DPP10: variants seen among roughly 807,000 people sequenced by gnomAD.
DPP10 encodes inactive dipeptidyl peptidase 10.
A neutral mutation model predicts 120.9 loss-of-function variants in DPP10; 33 were observed. That is an observed-to-expected ratio of 0.27 (90% confidence interval 0.21 to 0.37). The LOEUF is 0.37. Among genes scored for constraint, DPP10 ranks in the 10% least tolerant of loss-of-function variants. The pLI is 1.00. For synonymous variants in DPP10, 337 were observed against 326.1 expected (o/e 1.03, Z -0.36); for missense variants, 816 against 942.8 (o/e 0.87, Z 1.76).
At chr2:114,806,521 T>G (rs1461702842) in intron 1 of DPP10, among the ~76,000 whole-genome samples, 1 of 152,232 alleles carries the variant, frequency 6.6e-6, no homozygotes, top group Non-Finnish European at 1.5e-5. Flanking sequence ...CTTTTCATTA[T>G]ATTGCTTTTT....
chr2:115,626,744 C>T (rs573457108), intron 5 of DPP10, among the ~76,000 whole-genome samples: 1 of 152,238 alleles, frequency 6.6e-6, no homozygotes, highest in South Asian at 2.1e-4. Flanking sequence ...GACATAGACA[C>T]ATACACATAT....
At chr2:115,133,135 G>GTATA in intron 1 of DPP10, among the ~76,000 whole-genome samples, 2 of 64,150 alleles carry the variant, frequency 3.1e-5, no homozygotes, top group African/African-American at 7.7e-5. Context: ...GTGTGTGTGT[G>GTATA]TGTGTGTGTG....
chr2:115,036,984 G>T (rs2136543), intron 1 of DPP10, among the ~76,000 whole-genome samples: 147,316 of 152,200 alleles, frequency 0.97, 71,503 homozygotes, highest in Middle Eastern at 1. Context: ...TTTTCTGAGG[G>T]AGAGAAGTAA....
intron 1 of DPP10, among the ~76,000 whole-genome samples, chr2:114,459,096 A>G (rs1337004165): frequency 2.0e-5 from 3 of 152,208 alleles, no homozygotes; most frequent in African/African-American, 7.2e-5. Flanking sequence ...TAAATTTCTA[A>G]AAATGTTAAG....
At chr2:114,511,811 G>A (rs1299721957) in intron 1 of DPP10, among the ~76,000 whole-genome samples, 5 of 152,130 alleles carry the variant, frequency 3.3e-5, no homozygotes, top group Non-Finnish European at 5.9e-5. Context: ...GAACTAACAC[G>A]AGCAGCCCAG....
intron 1 of DPP10, among the ~76,000 whole-genome samples, chr2:115,056,842 A>T (rs531119638): frequency 1.4e-4 from 22 of 152,338 alleles, no homozygotes; most frequent in African/African-American, 5.1e-4. Flanking sequence ...CCATGTCTAC[A>T]TTTACAACAA....
At chr2:115,477,896 A>G (rs867260199) in intron 3 of DPP10, among the ~76,000 whole-genome samples, 2 of 152,166 alleles carry the variant, frequency 1.3e-5, no homozygotes, top group Admixed American at 1.3e-4. Context: ...GCTGGCATCT[A>G]CTTGGCTTCT....
chr2:115,544,979 T>C (rs1455676200), intron 5 of DPP10, among the ~76,000 whole-genome samples: 1 of 152,082 alleles, frequency 6.6e-6, no homozygotes. Flanking sequence ...AAAGAAGGTT[T>C]TCTGGGATAG....
intron 1 of DPP10, among the ~76,000 whole-genome samples, chr2:115,293,370 C>A (rs889041128): frequency 6.6e-6 from 1 of 152,078 alleles, no homozygotes; most frequent in Non-Finnish European, 1.5e-5. Flanking sequence ...ACTCACATAT[C>A]ATGGAAATCA....
At chr2:114,551,229 C>T (rs913831502) in intron 1 of DPP10, among the ~76,000 whole-genome samples, 3 of 152,170 alleles carry the variant, frequency 2.0e-5, no homozygotes, top group African/African-American at 7.2e-5. Context: ...CTGTGTAGCT[C>T]GCTTTGGTCT....
intron 1 of DPP10, among the ~76,000 whole-genome samples, chr2:114,792,323 A>G (rs565035745): frequency 2.0e-5 from 3 of 152,340 alleles, no homozygotes; most frequent in Admixed American, 6.5e-5. Context: ...TATGTTATAC[A>G]TAAGGCACCC....
intron 5 of DPP10, among the ~76,000 whole-genome samples, chr2:115,613,969 A>C (rs896455311): frequency 6.6e-6 from 1 of 152,192 alleles, no homozygotes; most frequent in Non-Finnish European, 1.5e-5. Context: ...TAGTATACTC[A>C]GTCCCTGATT....
intron 1 of DPP10, among the ~76,000 whole-genome samples, chr2:114,993,172 G>T (rs1265352907): frequency 6.6e-6 from 1 of 152,086 alleles, no homozygotes; most frequent in African/African-American, 2.4e-5. Context: ...CTACAAAAAT[G>T]ATCACTCACT....
At chr2:115,275,211 T>C (rs1369659651) in intron 1 of DPP10, among the ~76,000 whole-genome samples, 3 of 152,232 alleles carry the variant, frequency 2.0e-5, no homozygotes, top group Non-Finnish European at 4.4e-5. Flanking sequence ...TGAAATTGCT[T>C]TGTGCCTTTG....
chr2:115,062,224 C>T, intron 1 of DPP10, among the ~76,000 whole-genome samples: 1 of 151,282 alleles, frequency 6.6e-6, no homozygotes, highest in East Asian at 1.9e-4. Context: ...TTTGCTATTC[C>T]TCTTTGAGTC....
intron 1 of DPP10, among the ~76,000 whole-genome samples, chr2:114,901,491 C>A (rs540402377): frequency 1.3e-5 from 2 of 152,034 alleles, no homozygotes; most frequent in Non-Finnish European, 2.9e-5. Flanking sequence ...CCACCGCGCC[C>A]GGCCACAAAT....
At chr2:115,483,076 A>T (rs377353360) in intron 3 of DPP10, among the ~76,000 whole-genome samples, 1 of 152,108 alleles carries the variant, frequency 6.6e-6, no homozygotes, top group South Asian at 2.1e-4. Flanking sequence ...TTGATGGTTA[A>T]TGGTAGTATC....
intron 5 of DPP10, among the ~76,000 whole-genome samples, chr2:115,611,893 G>A (rs7585369): frequency 1 from 151,847 of 152,252 alleles, 75,724 homozygotes; most frequent in Middle Eastern, 1. Context: ...GTAACCTCCA[G>A]TGTTACTCAA....
In DPP10 at chr2:115,162,273, G is replaced by T. The variant is rs1273129620; in HGVS notation, c.61-146966G>T. The T allele has an allele frequency of 4.5e-6, 7 of 1,553,370 alleles. No individual in the cohort carries two copies. The Middle Eastern group carries it at 5.9e-4, about 132-fold the overall frequency. On this transcript the variant is annotated intron_variant, in intron 1 of 25. Coordinates refer to ENST00000410059, the MANE Select transcript of DPP10 (RefSeq NM_020868.6). ...GAGCCGCGGGGAAGGGGGCAGAGAG[G>T]TAAAGGCTGAAGGTGCCCCGGGGAA...
Sources: gnomAD v4.1 joint callset for allele counts (sites outside exome capture counted in the v4.1 genomes callset) on GRCh38, gnomAD v4.1.1 for gene constraint, MANE v1.5 for transcripts, NCBI Gene and HGNC (gene_info 2026-07-23, HGNC 2026-07-21) for gene names.